CCNB2: variants seen among roughly 807,000 people sequenced by gnomAD.
CCNB2 encodes G2/mitotic-specific cyclin-B2.
CCNB2 carries 39 observed loss-of-function variants against 51.1 expected under a neutral mutation model. The observed-to-expected ratio is 0.76, with a 90% CI of 0.59 to 1.00. The LOEUF (loss-of-function observed/expected upper bound fraction) is 1.00, where lower values mean the gene tolerates loss of function less well. CCNB2 is among the 50% of genes least tolerant of loss of function. The probability of loss-of-function intolerance (pLI) is 0.00; values close to 1 mark genes in which losing one functional copy is unlikely to be tolerated. For missense variants in CCNB2, 472 were observed against 470.3 expected (o/e 1.00, Z -0.03); for synonymous variants, 174 against 165.5 (o/e 1.05, Z -0.40).
chr15:59,124,004 C>T (rs190871607), intron 8 of CCNB2: 10 of 194,822 alleles, frequency 5.1e-5, no homozygotes, highest in African/African-American at 1.8e-4. Flanking sequence ...CTTCAAATGG[C>T]GGTGTATTAT....
At chr15:59,111,203 T>C (rs1346221763) in intron 3 of CCNB2, among the ~76,000 whole-genome samples, 1 of 152,232 alleles carries the variant, frequency 6.6e-6, no homozygotes, top group Non-Finnish European at 1.5e-5. Flanking sequence ...CTTTTGTTGT[T>C]GACTGCTTGA....
At chr15:59,117,579 C>G (rs557628812) in intron 7 of CCNB2, among the ~76,000 whole-genome samples, 1 of 152,286 alleles carries the variant, frequency 6.6e-6, no homozygotes, top group African/African-American at 2.4e-5. Context: ...AGTAATCCTC[C>G]TACCTCAGCC....
intron 3 of CCNB2, among the ~76,000 whole-genome samples, chr15:59,109,903 G>A (rs866504085): frequency 9.9e-5 from 15 of 152,174 alleles, no homozygotes; most frequent in Non-Finnish European, 1.0e-4. Flanking sequence ...GGAGAATGGC[G>A]TGAACCCTGG....
chr15:59,124,525 G>A (rs543264385), intron 8 of CCNB2: 2 of 496,164 alleles, frequency 4.0e-6, no homozygotes, highest in East Asian at 3.9e-5. Flanking sequence ...CCTGCTACTT[G>A]GACCTTGAAA....
intron 3 of CCNB2, 132 bp from the exon 4 acceptor site, chr15:59,114,312 C>G (rs2079269204): frequency 3.2e-6 from 2 of 619,760 alleles, no homozygotes; most frequent in Admixed American, 3.3e-5. Flanking sequence ...AATTATTCAC[C>G]TCTTGGTATG....
intron 1 of CCNB2, among the ~76,000 whole-genome samples, chr15:59,106,833 C>T (rs1429495264): frequency 1.3e-5 from 2 of 152,144 alleles, no homozygotes; most frequent in Non-Finnish European, 2.9e-5. Context: ...AGAATCAAAG[C>T]TAGTTTAGGT....
In CCNB2 at chr15:59,107,431, G is replaced by GAGC. The variant is rs1390684725; in HGVS notation, c.139_141dup (p.Ala47dup). ...GAAATTGGAAATAGAGTTACAACCA[G>GAGC]AGCAGCACAAGTAGCTAAGGTAACA... On this transcript the variant is annotated inframe_insertion, in exon 2 of 9. Coordinates refer to ENST00000288207, the MANE Select transcript of CCNB2 (RefSeq NM_004701.4). 2 of 1,613,750 alleles carry GAGC rather than the reference G, an allele frequency of 1.2e-6. No homozygotes were observed. Among genetic ancestry groups the GAGC allele is most frequent in the African/African-American group, 2.7e-5 (2 of 74,844 alleles).
Position 59,122,241 on chromosome 15 carries a change from C to CTTTTTTTTTTTTTTTTTTTTTTTTTTT in CCNB2, c.976-1251_976-1250insTTTTTTTTTTTTTTTTTTTTTTTTTTT, listed in dbSNP as rs1162917277. Among the ~76,000 whole-genome samples, 5 of 72,990 alleles carry CTTTTTTTTTTTTTTTTTTTTTTTTTTT rather than the reference C, an allele frequency of 6.9e-5. 1 individual carries two copies. Among genetic ancestry groups the CTTTTTTTTTTTTTTTTTTTTTTTTTTT allele is most frequent in the African/African-American group, 2.9e-4 (5 of 17,168 alleles). The allele number at this position is 72,990 out of a possible 152,430, so 47.9% of individuals were successfully genotyped here. A position where few individuals can be genotyped will look rare whatever the true frequency, so the allele number is the denominator to read the frequency against. ...TCTTAAATAAAGTCAGTTGACATAT[C>CTTTTTTTTTTTTTTTTTTTTTTTTTTT]TTTTTTTTTTTTTTTTTTTTTTTTT... On this transcript the variant is annotated intron_variant, in intron 7 of 8. Transcript: ENST00000288207.
intron 7 of CCNB2, among the ~76,000 whole-genome samples, chr15:59,122,526 T>C (rs1291880504): frequency 6.3e-5 from 9 of 143,550 alleles, no homozygotes; most frequent in Non-Finnish European, 1.5e-5. Flanking sequence ...CGCCTGGCCT[T>C]TTTTTTTTTT....
chr15:59,122,241 C>CTTTTTTTTTTTTTTTTTTTTTTTTTTTTT (rs1162917277), intron 7 of CCNB2, among the ~76,000 whole-genome samples: 2 of 73,006 alleles, frequency 2.7e-5, no homozygotes, highest in African/African-American at 1.2e-4. Context: ...GTTGACATAT[C>CTTTTTTTTTTTTTTTTTTTTTTTTTTTTT]TTTTTTTTTT....
At chr15:59,117,653 G>C (rs2079284715) in intron 7 of CCNB2, among the ~76,000 whole-genome samples, 1 of 152,084 alleles carries the variant, frequency 6.6e-6, no homozygotes, top group African/African-American at 2.4e-5. Flanking sequence ...AAATTTTTTT[G>C]TAGAGACAGG....
In CCNB2 at chr15:59,116,907, G is replaced by A. The variant is rs781157452; in HGVS notation, c.815G>A (p.Arg272Gln). ...GRPLPLHFLR[R>Q]ASKAGEVDVE... Reference sequence around the variant, plus strand: ...CCCTTGCCACTACACTTCTTAAGGCGAGCATCAAAAGCCGGGGAGGTAAGT... The same window carrying A: ...CCCTTGCCACTACACTTCTTAAGGCAAGCATCAAAAGCCGGGGAGGTAAGT... The change falls in exon 6 of 9, where the codon CGA becomes CAA. Residue 272 changes from arginine (R) to glutamine (Q), a missense_variant. Arg to Gln is a conservative substitution (Grantham distance 43). Coordinates refer to ENST00000288207, the MANE Select transcript of CCNB2 (RefSeq NM_004701.4). The A allele has an allele frequency of 6.2e-7, 1 of 1,613,650 alleles. No homozygotes were observed. Among genetic ancestry groups the A allele is most frequent in the East Asian group, 2.2e-5 (1 of 44,872 alleles).
chr15:59,116,703 C>T lies in CCNB2; in HGVS notation c.611C>T (p.Ser204Phe), dbSNP rs1211667325. Residue 204 changes from serine to phenylalanine, a missense_variant, in exon 6 of 9, where the codon TCC (serine) becomes TTC (phenylalanine). Transcript: ENST00000288207. ...MDRFLQVQPV[S>F]RKKLQLVGIT... ...ATTTTCCATTAGGTTCAGCCAGTTT[C>T]CCGGAAGAAGCTTCAATTAGTTGGG... is the stretch of plus-strand genomic sequence containing the variant. The T allele has an allele frequency of 5.6e-6, 9 of 1,610,050 alleles. No individual in the cohort carries two copies. Among genetic ancestry groups the T allele is most frequent in the Non-Finnish European group, 6.8e-6 (8 of 1,178,194 alleles).
chr15:59,113,485 TAGAC>T (rs537861896), intron 3 of CCNB2, among the ~76,000 whole-genome samples: 1 of 152,200 alleles, frequency 6.6e-6, no homozygotes, highest in East Asian at 1.9e-4. Flanking sequence ...CTGGCAGAGG[TAGAC>T]AGAAAATAAT....
rs79861325 is a variant in CCNB2, at chr15:59,118,302, A to C, written c.975+934A>C. Among the ~76,000 whole-genome samples, 685 of 152,252 alleles carry C rather than the reference A, an allele frequency of 4.5e-3. 4 individuals carry two copies. The highest frequency in any genetic ancestry group is 0.015 in the African/African-American group (642 of 41,542). ...AAGTCACAGGTACACTGTTGTGGAG[A>C]AGCCAGTTCTAGACCACCGCTAAAC... On this transcript the variant is annotated intron_variant, in intron 7 of 8. Coordinates refer to ENST00000288207, the MANE Select transcript of CCNB2 (RefSeq NM_004701.4).
At chr15:59,108,757 G>A in intron 3 of CCNB2, among the ~76,000 whole-genome samples, 1 of 152,234 alleles carries the variant, frequency 6.6e-6, no homozygotes, top group East Asian at 1.9e-4. Context: ...AATGCAGTTG[G>A]AAATGTGGCA....
In CCNB2 at chr15:59,123,513, T is replaced by A; in HGVS notation, c.976-4T>A. The A allele has an allele frequency of 6.3e-7, 1 of 1,589,886 alleles. No homozygotes were observed. Among genetic ancestry groups the A allele is most frequent in the Non-Finnish European group, 8.6e-7 (1 of 1,158,324 alleles). On this transcript the variant is annotated splice_region_variant and splice_polypyrimidine_tract_variant and intron_variant, in intron 7 of 8. Coordinates refer to ENST00000288207, the MANE Select transcript of CCNB2 (RefSeq NM_004701.4). ...TGTCTGTCTGTCTGCTTCTTGTGTTTCAGAACTTAAAGCAGCAGTATTACA... is the reference window on the plus strand; with the variant it reads ...TGTCTGTCTGTCTGCTTCTTGTGTTACAGAACTTAAAGCAGCAGTATTACA...
chr15:59,110,973 G>A (rs1234173236), intron 3 of CCNB2, among the ~76,000 whole-genome samples: 3 of 152,170 alleles, frequency 2.0e-5, no homozygotes, highest in Non-Finnish European at 2.9e-5. Flanking sequence ...AGTCAAGTTG[G>A]AGGACATAGG....
In CCNB2 at chr15:59,124,911, G is replaced by A; in HGVS notation, c.*34G>A. 2 of 1,309,012 alleles carry A rather than the reference G, an allele frequency of 1.5e-6. No homozygotes were observed. Among genetic ancestry groups the A allele is most frequent in the South Asian group, 2.9e-5 (2 of 69,044 alleles). The allele number at this position is 1,309,012 out of a possible 1,614,324, so 81.1% of individuals were successfully genotyped here. A position where few individuals can be genotyped will look rare whatever the true frequency, so the allele number is the denominator to read the frequency against. The stretch of plus-strand genomic sequence containing the variant: ...GGCCCCTGGGGATGTGTGCTTCATT[G>A]TGCCCTTTTTCTTATTGGTTTAGAA... On this transcript the variant is annotated 3_prime_UTR_variant, in exon 9 of 9. Coordinates refer to ENST00000288207, the MANE Select transcript of CCNB2 (RefSeq NM_004701.4).
Sources: gnomAD v4.1 joint callset for allele counts (sites outside exome capture counted in the v4.1 genomes callset) on GRCh38, gnomAD v4.1.1 for gene constraint, MANE v1.5 for transcripts, NCBI Gene and HGNC (gene_info 2026-07-23, HGNC 2026-07-21) for gene names.